Variants in WWOX observed in about 807,000 individuals in gnomAD.
WWOX encodes the protein WW domain-containing oxidoreductase.
WWOX carries 69 observed loss-of-function variants against 46.2 expected under a neutral mutation model. The observed-to-expected ratio is 1.49, with a 90% CI of 1.23 to 1.82. WWOX has a LOEUF of 1.82. WWOX is among the 40% of genes most tolerant of loss of function. The pLI, the probability that WWOX is intolerant of heterozygous loss-of-function variation, is 0.00. For missense variants in WWOX, 919 were observed against 542.6 expected (o/e 1.69, Z -6.89); for synonymous variants, 359 against 202.6 (o/e 1.77, Z -6.56).
chr16:78,895,482 G>A (rs1296517671), intron 8 of WWOX: 1 of 152,178 alleles, frequency 6.6e-6, no homozygotes, highest in African/African-American at 2.4e-5. Flanking sequence ...CCATCCCGTA[G>A]CTTCTTGTGT....
At chr16:78,129,380 C>T (rs1159281246) in intron 4 of WWOX, among the ~76,000 whole-genome samples, 4 of 152,140 alleles carry the variant, frequency 2.6e-5, no homozygotes, top group Non-Finnish European at 4.4e-5. Flanking sequence ...ACCACAAACT[C>T]GGTGCTTCTA....
intron 5 of WWOX, among the ~76,000 whole-genome samples, chr16:78,252,716 C>A (rs189523236): frequency 7.6e-4 from 116 of 152,222 alleles, no homozygotes; most frequent in African/African-American, 2.6e-3. Context: ...ACTGAATATA[C>A]CTCTAGATAA....
chr16:79,067,478 C>T (rs1253804289), intron 8 of WWOX, among the ~76,000 whole-genome samples: 1 of 152,088 alleles, frequency 6.6e-6, no homozygotes, highest in Non-Finnish European at 1.5e-5. Flanking sequence ...CTTCTCGGCT[C>T]CTGTGAGGGC....
At chr16:78,697,471 C>G (rs527483993) in intron 8 of WWOX, among the ~76,000 whole-genome samples, 2 of 152,076 alleles carry the variant, frequency 1.3e-5, no homozygotes, top group African/African-American at 2.4e-5. Flanking sequence ...ACAGACAACC[C>G]GCAGAGTGGG....
chr16:78,566,070 G>A (rs578065764), intron 8 of WWOX, among the ~76,000 whole-genome samples: 13 of 152,144 alleles, frequency 8.5e-5, no homozygotes, highest in Non-Finnish European at 1.6e-4. Flanking sequence ...GGCACATTCT[G>A]TGCCTGCCTG....
chr16:78,907,785 A>C (rs180876502), intron 8 of WWOX, among the ~76,000 whole-genome samples: 5 of 152,168 alleles, frequency 3.3e-5, no homozygotes, highest in African/African-American at 1.2e-4. Context: ...CAGATCTAGA[A>C]ATGTAATGGA....
chr16:78,123,141 G>C (rs998703201), intron 4 of WWOX: 1 of 152,032 alleles, frequency 6.6e-6, no homozygotes, highest in Non-Finnish European at 1.5e-5. Context: ...ACTGAAGACT[G>C]TTACTAGTGT....
chr16:79,189,564 G>A (rs372925538), intron 8 of WWOX, among the ~76,000 whole-genome samples: 2 of 151,922 alleles, frequency 1.3e-5, no homozygotes, highest in East Asian at 3.9e-4. Flanking sequence ...GCCTCTCAAA[G>A]TGCTAGGATT....
intron 8 of WWOX, among the ~76,000 whole-genome samples, chr16:78,920,458 AT>A (rs1448233919): frequency 6.6e-6 from 1 of 152,090 alleles, no homozygotes; most frequent in Non-Finnish European, 1.5e-5. Flanking sequence ...TGGACCTGTG[AT>A]TTTCGCTGAC....
intron 8 of WWOX, among the ~76,000 whole-genome samples, chr16:78,524,996 G>C (rs1298049188): frequency 6.7e-6 from 1 of 150,276 alleles, no homozygotes; most frequent in East Asian, 2.0e-4. Context: ...CTCCTGAGTA[G>C]CTGGAATTAC....
At chr16:78,847,536 G>A (rs1409424412) in intron 8 of WWOX, among the ~76,000 whole-genome samples, 1 of 151,862 alleles carries the variant, frequency 6.6e-6, no homozygotes, top group Non-Finnish European at 1.5e-5. Flanking sequence ...GTCTTGCTAT[G>A]TTGCCCAGCT....
At chr16:78,334,910 A>T (rs890662559) in intron 5 of WWOX, among the ~76,000 whole-genome samples, 2 of 144,350 alleles carry the variant, frequency 1.4e-5, no homozygotes, top group African/African-American at 5.4e-5. Context: ...CATTGAGGAG[A>T]TACCATCTTT....
chr16:79,000,578 G>C (rs1316747405), intron 8 of WWOX, among the ~76,000 whole-genome samples: 1 of 152,166 alleles, frequency 6.6e-6, no homozygotes, highest in Non-Finnish European at 1.5e-5. Flanking sequence ...AAGGAATTCA[G>C]GCAGCGTCTA....
chr16:78,411,677 C>G (rs1394906004), intron 6 of WWOX, among the ~76,000 whole-genome samples: 1 of 152,196 alleles, frequency 6.6e-6, no homozygotes, highest in Non-Finnish European at 1.5e-5. Context: ...ATAAGTTTAA[C>G]TAGGCTTTAA....
intron 5 of WWOX, among the ~76,000 whole-genome samples, chr16:78,237,885 C>G (rs74703744): frequency 0.084 from 12,831 of 152,224 alleles, 718 homozygotes; most frequent in Middle Eastern, 0.12. Flanking sequence ...TACTATTTAG[C>G]CCTTTACAAA....
At chr16:78,780,424 C>G (rs1057185811) in intron 8 of WWOX, 1 of 152,082 alleles carries the variant, frequency 6.6e-6, no homozygotes, top group Admixed American at 6.5e-5. Context: ...GAGCTGAGTG[C>G]TGAAATAAAA....
chr16:78,602,340 C>G lies in WWOX; in HGVS notation c.1056+169588C>G, dbSNP rs568550079. 2.2e-3 allele frequency among the ~76,000 whole-genome samples: 340 copies of G among 152,272 alleles called. 2 individuals are homozygous for G. The highest frequency in any genetic ancestry group is 7.6e-3 in the African/African-American group (317 of 41,544). On this transcript the variant is annotated intron_variant, in intron 8 of 8. Coordinates refer to ENST00000566780, the MANE Select transcript of WWOX (RefSeq NM_016373.4). ...CTTCACCTCCTAGGTTCCAGCGATTCTCCTGCCTCAGCCTCCTGAGTAGCT... is the reference window on the plus strand; with the variant it reads ...CTTCACCTCCTAGGTTCCAGCGATTGTCCTGCCTCAGCCTCCTGAGTAGCT...
intron 8 of WWOX, among the ~76,000 whole-genome samples, chr16:78,903,464 C>A (rs999668768): frequency 2.6e-5 from 4 of 152,202 alleles, no homozygotes; most frequent in African/African-American, 7.2e-5. Flanking sequence ...CACTCCTATG[C>A]AAACGTCTGA....
intron 8 of WWOX, among the ~76,000 whole-genome samples, chr16:78,796,825 TTC>T (rs1305933788): frequency 1.4e-4 from 18 of 129,420 alleles, no homozygotes; most frequent in East Asian, 9.5e-4. Flanking sequence ...CTTTATCTTC[TTC>T]TTTTTTTTTT....
Sources: gnomAD v4.1 joint callset for allele counts (sites outside exome capture counted in the v4.1 genomes callset) on GRCh38, gnomAD v4.1.1 for gene constraint, MANE v1.5 for transcripts, NCBI Gene and HGNC (gene_info 2026-07-23, HGNC 2026-07-21) for gene names.